The following C10orf90 variants were observed in gnomAD, a reference collection of about 807,000 sequenced individuals.
C10orf90 encodes the protein (E2-independent) E3 ubiquitin-conjugating enzyme FATS.
A neutral mutation model predicts 62.5 loss-of-function variants in C10orf90; 56 were observed. That is an observed-to-expected ratio of 0.90 (90% CI 0.72 to 1.12). The LOEUF (loss-of-function observed/expected upper bound fraction) is 1.12, where lower values mean the gene tolerates loss of function less well. C10orf90 is among the 50% of genes most tolerant of loss of function. The pLI, the probability that C10orf90 is intolerant of heterozygous loss-of-function variation, is 0.00. For missense variants in C10orf90, 970 were observed against 880.4 expected (o/e 1.10, Z -1.29); for synonymous variants, 386 against 340.4 (o/e 1.13, Z -1.47).
chr10:126,510,999 G>A (rs143804520), intron 3 of C10orf90, among the ~76,000 whole-genome samples: 25 of 152,296 alleles, frequency 1.6e-4, no homozygotes, highest in African/African-American at 4.6e-4. Flanking sequence ...TGCAGCCTAC[G>A]ATGTACTTGC....
chr10:126,455,815 G>C (rs1253102416), intron 7 of C10orf90, among the ~76,000 whole-genome samples: 1 of 152,128 alleles, frequency 6.6e-6, no homozygotes, highest in Admixed American at 6.5e-5. Flanking sequence ...TCACCCACAT[G>C]CAGCACTCTT....
intron 2 of C10orf90, among the ~76,000 whole-genome samples, chr10:126,630,274 G>C (rs1167942154): frequency 6.6e-6 from 1 of 152,172 alleles, no homozygotes; most frequent in East Asian, 1.9e-4. Context: ...AATCCTGTCT[G>C]GACCCCCACT....
chr10:126,494,481 A>T (rs1400287767), intron 4 of C10orf90, among the ~76,000 whole-genome samples: 1 of 152,196 alleles, frequency 6.6e-6, no homozygotes, highest in Non-Finnish European at 1.5e-5. Flanking sequence ...TGTTCAGAGG[A>T]TGCACGACTC....
chr10:126,538,169 G>T (rs1357079106), intron 2 of C10orf90, among the ~76,000 whole-genome samples: 1 of 152,180 alleles, frequency 6.6e-6, no homozygotes, highest in Non-Finnish European at 1.5e-5. Flanking sequence ...CCACATGGCG[G>T]CAGGCAAGAG....
At chr10:126,433,022 CA>C (rs939623368) in intron 7 of C10orf90, among the ~76,000 whole-genome samples, 30 of 152,150 alleles carry the variant, frequency 2.0e-4, no homozygotes, top group Admixed American at 1.4e-3. Flanking sequence ...GGAGGAGATG[CA>C]AAAATGGCAG....
intron 2 of C10orf90, among the ~76,000 whole-genome samples, chr10:126,548,745 CTT>C (rs71486601): frequency 6.3e-5 from 9 of 142,612 alleles, no homozygotes; most frequent in Non-Finnish European, 9.2e-5. Context: ...TATTACACAG[CTT>C]TTTTTTTTTT....
At chr10:126,590,130 G>C (rs1284317825) in intron 2 of C10orf90, among the ~76,000 whole-genome samples, 1 of 152,144 alleles carries the variant, frequency 6.6e-6, no homozygotes, top group Non-Finnish European at 1.5e-5. Context: ...TGTTCAACAA[G>C]AAGAGCTAAC....
intron 2 of C10orf90, among the ~76,000 whole-genome samples, chr10:126,580,408 C>A (rs1298178452): frequency 6.6e-6 from 1 of 152,162 alleles, no homozygotes; most frequent in East Asian, 1.9e-4. Flanking sequence ...GTAATCCCAG[C>A]ACTTTGGGAG....
At chr10:126,623,259 A>G (rs886749719) in intron 2 of C10orf90, among the ~76,000 whole-genome samples, 6 of 152,138 alleles carry the variant, frequency 3.9e-5, no homozygotes, top group African/African-American at 1.4e-4. Context: ...GGTCATCCCC[A>G]CTACCCCTCT....
At chr10:126,462,674 C>G (rs1470815351) in intron 5 of C10orf90, among the ~76,000 whole-genome samples, 1 of 152,158 alleles carries the variant, frequency 6.6e-6, no homozygotes, top group Non-Finnish European at 1.5e-5. Flanking sequence ...AGCTCATTCT[C>G]TGGGGAGTGG....
At chr10:126,528,390 C>G (rs1381209115) in intron 2 of C10orf90, among the ~76,000 whole-genome samples, 1 of 152,068 alleles carries the variant, frequency 6.6e-6, no homozygotes, top group Admixed American at 6.6e-5. Context: ...GAAGAAAGAG[C>G]AAGGAATGAA....
chr10:126,629,448 C>T (rs963137575), intron 2 of C10orf90, among the ~76,000 whole-genome samples: 1 of 152,170 alleles, frequency 6.6e-6, no homozygotes, highest in South Asian at 2.1e-4. Flanking sequence ...CTCCCTGATG[C>T]ACAGCACATC....
intron 2 of C10orf90, among the ~76,000 whole-genome samples, chr10:126,547,052 T>G (rs1236539221): frequency 6.6e-6 from 1 of 151,884 alleles, no homozygotes; most frequent in Non-Finnish European, 1.5e-5. Flanking sequence ...GAGATTGCAA[T>G]GAGCCAAGAT....
chr10:126,487,360 T>C (rs1400600498), intron 4 of C10orf90, among the ~76,000 whole-genome samples: 1 of 151,910 alleles, frequency 6.6e-6, no homozygotes, highest in Non-Finnish European at 1.5e-5. Context: ...TTTAAATACA[T>C]TGTAATGAAG....
chr10:126,584,128 T>C (rs1364680823), intron 2 of C10orf90, among the ~76,000 whole-genome samples: 1 of 151,242 alleles, frequency 6.6e-6, no homozygotes, highest in Non-Finnish European at 1.5e-5. Flanking sequence ...TCAGAAGAAA[T>C]ATGAGGGCTC....
rs558098960 is a variant in C10orf90 at position 126,670,483 on chromosome 10, G to A, written c.-3C>T. The A allele has an allele frequency of 1.5e-5, 7 of 456,454 alleles. No homozygotes were observed. The highest frequency in any genetic ancestry group is 9.3e-5 in the South Asian group (6 of 64,558). 28.3% of individuals were successfully genotyped at this position (456,454 alleles called of 1,614,324 possible). On this transcript the variant is annotated 5_prime_UTR_variant, in exon 1 of 10. Coordinates refer to ENST00000488181, the MANE Select transcript of C10orf90 (RefSeq NM_001350921.2). ...GTAGGAATTCCAGAGTGCTGCATGAGACTCAGTATCTTGTGACTTTAGCTA... is the reference window on the plus strand; with the variant it reads ...GTAGGAATTCCAGAGTGCTGCATGAAACTCAGTATCTTGTGACTTTAGCTA...
At chr10:126,448,913 A>T (rs1858977688) in intron 7 of C10orf90, among the ~76,000 whole-genome samples, 1 of 152,210 alleles carries the variant, frequency 6.6e-6, no homozygotes, top group African/African-American at 2.4e-5. Flanking sequence ...TTTAAAAGAA[A>T]AGCTTGGGAC....
Position 126,504,513 on chromosome 10 carries a change from G to T in C10orf90, c.978C>A (p.Asp326Glu), listed in dbSNP as rs1862596070. The T allele has an allele frequency of 6.2e-7, 1 of 1,614,090 alleles. No individual in the cohort carries two copies. Among genetic ancestry groups the T allele is most frequent in the African/African-American group, 1.3e-5 (1 of 74,930 alleles). The change falls in exon 4 of 10, where the codon GAC (aspartate) becomes GAA (glutamate). Residue 326 changes from aspartate to glutamate, a missense_variant. Coordinates refer to ENST00000488181, the MANE Select transcript of C10orf90 (RefSeq NM_001350921.2). The surrounding 1 kb of genome is among the most constrained non-coding windows in gnomAD (Gnocchi z 4.1). Reference sequence around the variant, plus strand: ...TGTCTGGAGAAAAACTGGTCTCTTTGTCGTCTGCATGGGTGACCCAGTACT... The same window carrying T: ...TGTCTGGAGAAAAACTGGTCTCTTTTTCGTCTGCATGGGTGACCCAGTACT... ...RRKYWVTHADDKETSFSPDTP... is the reference protein window; with the variant it reads ...RRKYWVTHADEKETSFSPDTP...
intron 2 of C10orf90, among the ~76,000 whole-genome samples, chr10:126,526,139 G>A (rs1023220632): frequency 6.6e-6 from 1 of 151,742 alleles, no homozygotes. Context: ...GGCTCCCTCA[G>A]TCAAGTCTAA....
Sources: allele counts gnomAD v4.1 joint callset (sites outside exome capture counted in the v4.1 genomes callset), GRCh38; gene constraint gnomAD v4.1.1; non-coding constraint Gnocchi (gnomAD v3.1); transcripts MANE v1.5; gene names NCBI Gene and HGNC (gene_info 2026-07-23, HGNC 2026-07-21).